KCND2: variants seen among roughly 807,000 people sequenced by gnomAD.
KCND2 encodes potassium voltage-gated channel subfamily D member 2, also known as A-type voltage-gated potassium channel KCND2.
Under a neutral mutation model 54.4 loss-of-function variants are expected in KCND2, and 16 were observed. The ratio of observed to expected loss-of-function variants is 0.29; its 90% CI spans 0.20 to 0.45. The LOEUF (loss-of-function observed/expected upper bound fraction) is 0.45, where lower values mean the gene tolerates loss of function less well. Among genes scored for constraint, KCND2 ranks in the 20% least tolerant of loss-of-function variants. KCND2 has a pLI of 1.00. For synonymous variants in KCND2, 317 were observed against 310.7 expected (o/e 1.02, Z -0.21); for missense variants, 486 against 824.2 (o/e 0.59, Z 5.02).
chr7:120,701,065 G>A (rs1378435240), intron 1 of KCND2, among the ~76,000 whole-genome samples: 2 of 151,826 alleles, frequency 1.3e-5, no homozygotes, highest in Non-Finnish European at 2.9e-5. Flanking sequence ...TTACATTTGT[G>A]TTCAAAGTAG....
At chr7:120,287,590 G>GGGATTTA (rs1237887768) in intron 1 of KCND2, among the ~76,000 whole-genome samples, 2 of 152,028 alleles carry the variant, frequency 1.3e-5, no homozygotes, top group Non-Finnish European at 2.9e-5. Context: ...TGGATGTGGT[G>GGGATTTA]GCTCACACCT....
intron 1 of KCND2, among the ~76,000 whole-genome samples, chr7:120,460,206 A>C (rs1802263988): frequency 6.6e-6 from 1 of 152,158 alleles, no homozygotes; most frequent in Non-Finnish European, 1.5e-5. Flanking sequence ...GTGTTATTAA[A>C]TGTGTACTAT....
intron 1 of KCND2, among the ~76,000 whole-genome samples, chr7:120,554,155 G>A (rs1401186216): frequency 1.3e-5 from 2 of 152,218 alleles, no homozygotes; most frequent in African/African-American, 4.8e-5. Context: ...TTAAATAGGA[G>A]TTTAGGATTC....
chr7:120,621,276 CAAAAAAAAAAAAAAAA>C lies in KCND2; in HGVS notation c.1116-111614_1116-111599del, dbSNP rs1175736454. ...TGGGCGACAGAGCAAGACTCCGTCT[CAAAAAAAAAAAAAAAA>C]AAAAAAAAAAAAGAACCATATGGTA... is the stretch of plus-strand genomic sequence containing the variant. On this transcript the variant is annotated intron_variant, in intron 1 of 5. Coordinates refer to ENST00000331113, the MANE Select transcript of KCND2 (RefSeq NM_012281.3). 5.0e-3 allele frequency among the ~76,000 whole-genome samples: 234 copies of C among 47,208 alleles called. 3 individuals are homozygous for C. In the Admixed American group the frequency reaches 0.056, roughly 11 times the overall value. 31.0% of individuals were successfully genotyped at this position (47,208 alleles called of 152,430 possible). A position where few individuals can be genotyped will look rare whatever the true frequency, so the allele number is the denominator to read the frequency against.
Position 120,275,145 on chromosome 7 carries a change from C to G in KCND2, c.513C>G (p.Val171=). Residue 171 remains valine, a synonymous_variant, in exon 1 of 6, where the codon GTC becomes GTG. Transcript: ENST00000331113. The part of the protein sequence containing the change: ...ALPTMTARQR[V]WRAFENPHTS... ...CCACCATGACTGCAAGGCAGAGGGT[C>G]TGGAGGGCCTTCGAGAACCCCCACA... 6.2e-7 allele frequency: 1 copy of G among 1,613,992 alleles called. No individual in the cohort carries two copies. The highest frequency in any genetic ancestry group is 8.5e-7 in the Non-Finnish European group (1 of 1,179,996).
intron 1 of KCND2, among the ~76,000 whole-genome samples, chr7:120,488,803 A>G (rs907625681): frequency 1.3e-5 from 2 of 152,064 alleles, no homozygotes; most frequent in Non-Finnish European, 2.9e-5. Flanking sequence ...AAATGAAAGT[A>G]ATATACATGG....
intron 1 of KCND2, among the ~76,000 whole-genome samples, chr7:120,576,097 A>G (rs1056916665): frequency 3.3e-5 from 5 of 152,058 alleles, no homozygotes; most frequent in Non-Finnish European, 7.3e-5. Flanking sequence ...AAAGTCAATA[A>G]TCATGCTATC....
chr7:120,673,146 C>A (rs916505491), intron 1 of KCND2, among the ~76,000 whole-genome samples: 1 of 152,024 alleles, frequency 6.6e-6, no homozygotes, highest in Non-Finnish European at 1.5e-5. Flanking sequence ...TCTGAAGAAA[C>A]CAAACTTGCC....
At chr7:120,600,791 A>G (rs1792804284) in intron 1 of KCND2, among the ~76,000 whole-genome samples, 1 of 152,094 alleles carries the variant, frequency 6.6e-6, no homozygotes, top group East Asian at 1.9e-4. Context: ...ATGCTGATAT[A>G]GGAAATATGT....
In KCND2 at chr7:120,570,416, T is replaced by A. The variant is rs374811647; in HGVS notation, c.1116-162487T>A. Among the ~76,000 whole-genome samples the A allele has an allele frequency of 8.1e-3, 1,105 of 136,076 alleles. 15 individuals are homozygous for A. Among genetic ancestry groups the A allele is most frequent in the African/African-American group, 0.028 (1,042 of 37,430 alleles). 89.3% of individuals were successfully genotyped at this position (136,076 alleles called of 152,430 possible). Reference sequence around the variant, plus strand: ...TTTACCTCCTACATCTATAAAAAGTTAAAAAAAAAAAAAACAGCTTGTGAT... The same window carrying A: ...TTTACCTCCTACATCTATAAAAAGTAAAAAAAAAAAAAAACAGCTTGTGAT... On this transcript the variant is annotated intron_variant, in intron 1 of 5. Transcript: ENST00000331113.
chr7:120,358,325 G>A (rs1170669881), intron 1 of KCND2, among the ~76,000 whole-genome samples: 1 of 152,144 alleles, frequency 6.6e-6, no homozygotes, highest in African/African-American at 2.4e-5. Context: ...TTTACTCATA[G>A]GTAAGTCTAA....
intron 1 of KCND2, among the ~76,000 whole-genome samples, chr7:120,277,804 A>C (rs962281476): frequency 1.3e-5 from 2 of 152,084 alleles, no homozygotes; most frequent in Non-Finnish European, 2.9e-5. Flanking sequence ...TAAAATACTT[A>C]AAAGCACCCA....
In KCND2 at chr7:120,741,593, G is replaced by A. The variant is rs144966242; in HGVS notation, c.1338G>A (p.Gln446=). The A allele has an allele frequency of 3.0e-4, 482 of 1,613,054 alleles. No homozygotes were observed. The highest frequency in any genetic ancestry group is 3.8e-4 in the Non-Finnish European group (449 of 1,179,352). The change falls in exon 3 of 6, where the codon CAG becomes CAA. Residue 446 remains glutamine, a synonymous_variant. Coordinates refer to ENST00000331113, the MANE Select transcript of KCND2 (RefSeq NM_012281.3). ...AKSGSANAYM[Q]SKRNGLLSNQ... is the part of the protein sequence containing the mutation. ...GCGGAAGCGCAAATGCTTACATGCA[G>A]AGCAAACGGAATGGTTTACTCAGTA...
At chr7:120,389,987 T>G (rs1455910208) in intron 1 of KCND2, among the ~76,000 whole-genome samples, 2 of 151,904 alleles carry the variant, frequency 1.3e-5, no homozygotes, top group Non-Finnish European at 2.9e-5. Context: ...TTCATGGTCT[T>G]TATTGGATAA....
In KCND2 at chr7:120,297,992, A is replaced by G. The variant is rs1799534290; in HGVS notation, c.1115+22245A>G. Among the ~76,000 whole-genome samples, 4 of 152,296 alleles carry G rather than the reference A, an allele frequency of 2.6e-5. No individual in the cohort carries two copies. In the South Asian group the frequency reaches 8.3e-4, roughly 32 times the overall value. On this transcript the variant is annotated intron_variant, in intron 1 of 5. Transcript: ENST00000331113. Reference sequence around the variant, plus strand: ...CAGTAGCCACTAAATACATGTGGCTATTCAACATCTGGAATGTGGCTAGGG... The same window carrying G: ...CAGTAGCCACTAAATACATGTGGCTGTTCAACATCTGGAATGTGGCTAGGG...
intron 1 of KCND2, among the ~76,000 whole-genome samples, chr7:120,718,060 G>T (rs1354564000): frequency 6.6e-6 from 1 of 152,122 alleles, no homozygotes; most frequent in Non-Finnish European, 1.5e-5. Flanking sequence ...TCCACCTGTT[G>T]AAGGCAGGCA....
chr7:120,349,853 C>T (rs1800376511), intron 1 of KCND2, among the ~76,000 whole-genome samples: 1 of 152,112 alleles, frequency 6.6e-6, no homozygotes, highest in South Asian at 2.1e-4. Flanking sequence ...CTTTAGTCCA[C>T]TGCAGATGTA....
At chr7:120,526,588 T>C (rs1237140048) in intron 1 of KCND2, among the ~76,000 whole-genome samples, 1 of 152,126 alleles carries the variant, frequency 6.6e-6, no homozygotes, top group Non-Finnish European at 1.5e-5. Flanking sequence ...AACCTGATAT[T>C]CTGTTGATTT....
intron 1 of KCND2, among the ~76,000 whole-genome samples, chr7:120,554,950 T>C (rs1792146050): frequency 6.6e-6 from 1 of 152,226 alleles, no homozygotes; most frequent in African/African-American, 2.4e-5. Context: ...GAAATGGATC[T>C]AAGAATGAAA....
Sources: allele counts gnomAD v4.1 joint callset (sites outside exome capture counted in the v4.1 genomes callset), GRCh38; gene constraint gnomAD v4.1.1; transcripts MANE v1.5; gene names NCBI Gene and HGNC (gene_info 2026-07-23, HGNC 2026-07-21).